Variants in FOXP2 observed in about 807,000 individuals in gnomAD.
The protein encoded by FOXP2 is forkhead box protein P2.
A neutral mutation model predicts 115.8 loss-of-function variants in FOXP2; 12 were observed. The observed-to-expected ratio is 0.10, with a 90% confidence interval of 0.07 to 0.17. FOXP2 has a LOEUF of 0.17. Ranked by LOEUF, FOXP2 falls within the 10% of genes least tolerant of loss-of-function variation. The pLI is 1.00. For synonymous variants in FOXP2, 328 were observed against 297.7 expected, an observed-to-expected ratio of 1.10 and a Z score of -1.05; for missense variants, 629 against 843.5, an observed-to-expected ratio of 0.75 and a Z score of 3.15.
At chr7:114,172,970 T>G (rs923454511) in intron 1 of FOXP2, among the ~76,000 whole-genome samples, 1 of 152,078 alleles carries the variant, frequency 6.6e-6, no homozygotes, top group Non-Finnish European at 1.5e-5. Context: ...TTCCATATAT[T>G]TAATAACTTT....
intron 3 of FOXP2, among the ~76,000 whole-genome samples, chr7:114,618,912 G>T (rs1372977019): frequency 6.1e-4 from 93 of 152,118 alleles, no homozygotes; most frequent in Non-Finnish European, 1.5e-5. Context: ...GAGATAATTT[G>T]AGTGGTTACT....
At chr7:114,408,454 CAGTGGCT>C (rs1485741336) in intron 2 of FOXP2, among the ~76,000 whole-genome samples, 1 of 152,110 alleles carries the variant, frequency 6.6e-6, no homozygotes, top group Non-Finnish European at 1.5e-5. Flanking sequence ...GGGCCAGGCG[CAGTGGCT>C]CACACCTGTA....
At chr7:114,376,255 A>G (rs556947242) in intron 2 of FOXP2, among the ~76,000 whole-genome samples, 13 of 152,234 alleles carry the variant, frequency 8.5e-5, no homozygotes, top group Admixed American at 7.2e-4. Context: ...CAATAAGGCC[A>G]TCTGAAAATT....
At chr7:114,274,163 A>G (rs1185489550) in intron 1 of FOXP2, among the ~76,000 whole-genome samples, 1 of 152,056 alleles carries the variant, frequency 6.6e-6, no homozygotes, top group African/African-American at 2.4e-5. Flanking sequence ...AAGTAACACT[A>G]CACCACTTCA....
chr7:114,451,506 G>T (rs1475328163), intron 2 of FOXP2, among the ~76,000 whole-genome samples: 1 of 152,004 alleles, frequency 6.6e-6, no homozygotes, highest in East Asian at 1.9e-4. Context: ...CTCATTAAAT[G>T]ATTATAGTTT....
At chr7:114,609,015 A>G (rs1370606903) in intron 3 of FOXP2, among the ~76,000 whole-genome samples, 3 of 152,174 alleles carry the variant, frequency 2.0e-5, no homozygotes, top group East Asian at 3.9e-4. Context: ...CCTGAGCAAC[A>G]TGACGAAACC....
chr7:114,250,987 A>G (rs1304303753), intron 1 of FOXP2, among the ~76,000 whole-genome samples: 1 of 152,232 alleles, frequency 6.6e-6, no homozygotes, highest in Admixed American at 6.5e-5. Context: ...AGGAAAAAGA[A>G]GGGATCCAGT....
intron 2 of FOXP2, among the ~76,000 whole-genome samples, chr7:114,513,577 A>T (rs1333326068): frequency 6.6e-6 from 1 of 152,126 alleles, no homozygotes; most frequent in African/African-American, 2.4e-5. Context: ...GTAAAGAACC[A>T]TTGTAGTAGA....
chr7:114,091,915 G>C (rs1361461761), intron 1 of FOXP2, among the ~76,000 whole-genome samples: 1 of 151,936 alleles, frequency 6.6e-6, no homozygotes, highest in Admixed American at 6.6e-5. Context: ...CTTGAATTCA[G>C]CTTTGAGGTT....
intron 1 of FOXP2, among the ~76,000 whole-genome samples, chr7:114,114,008 T>A (rs1055469295): frequency 6.6e-6 from 1 of 151,706 alleles, no homozygotes; most frequent in African/African-American, 2.4e-5. Context: ...CCACAAAGAA[T>A]TTAAGAGAAT....
intron 1 of FOXP2, among the ~76,000 whole-genome samples, chr7:114,104,074 C>A (rs987112849): frequency 6.6e-6 from 1 of 151,660 alleles, no homozygotes; most frequent in East Asian, 1.9e-4. Context: ...GTTCGTAGGT[C>A]TAGGTGGTTG....
At chr7:114,487,246 T>G (rs1351034974) in intron 2 of FOXP2, among the ~76,000 whole-genome samples, 1 of 152,206 alleles carries the variant, frequency 6.6e-6, no homozygotes, top group Non-Finnish European at 1.5e-5. Flanking sequence ...CTGCCAAGGC[T>G]TGGGGCTTGA....
At chr7:114,661,840 AT>A (rs1408716201) in intron 13 of FOXP2, 2 of 492,724 alleles carry the variant, frequency 4.1e-6, no homozygotes, top group Non-Finnish European at 7.3e-6. Context: ...TGACACAGCT[AT>A]TATTAAAATA....
At chr7:114,526,172 T>TTAAAA (rs34956302) in intron 2 of FOXP2, among the ~76,000 whole-genome samples, 1 of 79,730 alleles carries the variant, frequency 1.3e-5, no homozygotes, top group African/African-American at 5.3e-5. Flanking sequence ...GTTTCTTTAT[T>TTAAAA]AAAAAAAAAA....
chr7:114,382,521 C>T (rs532745118), intron 2 of FOXP2, among the ~76,000 whole-genome samples: 5 of 152,214 alleles, frequency 3.3e-5, no homozygotes, highest in South Asian at 2.1e-4. Context: ...ATTAGGCATT[C>T]GATTTGCCCA....
chr7:114,250,663 ATTTG>A (rs776998836), intron 1 of FOXP2, among the ~76,000 whole-genome samples: 1 of 152,020 alleles, frequency 6.6e-6, no homozygotes, highest in Non-Finnish European at 1.5e-5. Flanking sequence ...GTTTTTGTAA[ATTTG>A]TTTGAGTTTT....
At chr7:114,621,209 T>C (rs558374787) in intron 3 of FOXP2, among the ~76,000 whole-genome samples, 1 of 152,050 alleles carries the variant, frequency 6.6e-6, no homozygotes, top group Admixed American at 6.6e-5. Context: ...GCTAGTTTGT[T>C]TTTAATTTAT....
intron 2 of FOXP2, among the ~76,000 whole-genome samples, chr7:114,352,017 C>T (rs879325533): frequency 6.6e-6 from 1 of 151,986 alleles, no homozygotes. Context: ...TCTATAATCC[C>T]AGCACTTTGG....
intron 1 of FOXP2, among the ~76,000 whole-genome samples, chr7:114,421,411 T>C (rs1793612723): frequency 6.6e-6 from 1 of 151,664 alleles, no homozygotes; most frequent in Non-Finnish European, 1.5e-5. Context: ...TAAAATGTAG[T>C]CATTATCATT....
Sources: allele counts gnomAD v4.1 joint callset (sites outside exome capture counted in the v4.1 genomes callset), GRCh38; gene constraint gnomAD v4.1.1; transcripts MANE v1.5; gene names NCBI Gene and HGNC (gene_info 2026-07-23, HGNC 2026-07-21).